The following TLN2 variants were observed in gnomAD, a reference collection of about 807,000 sequenced individuals.
TLN2 encodes talin 2, also known as talin-2.
A neutral mutation model predicts 294.7 loss-of-function variants in TLN2; 118 were observed. The observed-to-expected ratio is 0.40, with a 90% CI of 0.34 to 0.47. The LOEUF (loss-of-function observed/expected upper bound fraction) is 0.47, where lower values mean the gene tolerates loss of function less well. Among genes scored for constraint, TLN2 ranks in the 20% least tolerant of loss-of-function variants. The pLI, the probability that TLN2 is intolerant of heterozygous loss-of-function variation, is 0.84. For synonymous variants in TLN2, 1,431 were observed against 1,304.5 expected (o/e 1.10, Z -2.09); for missense variants, 3,083 against 3,282.2 (o/e 0.94, Z 1.48).
At chr15:62,637,835 C>T (rs1284746489) in intron 3 of TLN2, 3 of 152,206 alleles carry the variant, frequency 2.0e-5, no homozygotes, top group Non-Finnish European at 2.9e-5. Flanking sequence ...GAAGCAAAGC[C>T]GGATGCTGGG....
chr15:62,681,900 G>A (rs1230381263), intron 11 of TLN2, among the ~76,000 whole-genome samples: 3 of 152,106 alleles, frequency 2.0e-5, no homozygotes, highest in Non-Finnish European at 2.9e-5. Flanking sequence ...CTACAGGCAC[G>A]TGCCACCACG....
intron 52 of TLN2, among the ~76,000 whole-genome samples, chr15:62,816,038 T>C (rs1354404044): frequency 6.6e-6 from 1 of 152,194 alleles, no homozygotes; most frequent in Non-Finnish European, 1.5e-5. Flanking sequence ...CACAGGTTGA[T>C]CCCCAAACTG....
intron 33 of TLN2, 76 bp downstream of exon 33, chr15:62,748,520 T>G: frequency 8.4e-7 from 1 of 1,190,180 alleles, no homozygotes; most frequent in Non-Finnish European, 1.2e-6. Context: ...TCTGTCTGTC[T>G]ATGTCTGTGT....
intron 45 of TLN2, chr15:62,784,523 C>G (rs1177828879): frequency 6.6e-6 from 1 of 152,376 alleles, no homozygotes; most frequent in Non-Finnish European, 1.5e-5. Context: ...AGTTGGGCCC[C>G]AAAGGCCACT....
intron 5 of TLN2, among the ~76,000 whole-genome samples, chr15:62,651,473 G>C (rs2052579055): frequency 6.6e-6 from 1 of 152,168 alleles, no homozygotes; most frequent in Non-Finnish European, 1.5e-5. Flanking sequence ...AATAATTGAA[G>C]ATAGCCTAAG....
At chr15:62,696,689 C>T (rs1379230969) in intron 14 of TLN2, among the ~76,000 whole-genome samples, 2 of 152,194 alleles carry the variant, frequency 1.3e-5, no homozygotes, top group African/African-American at 2.4e-5. Context: ...GTCTGGATGA[C>T]AAGAGTGAAA....
At chr15:62,798,125 G>A (rs531824678) in intron 48 of TLN2, among the ~76,000 whole-genome samples, 41 of 152,108 alleles carry the variant, frequency 2.7e-4, no homozygotes, top group Non-Finnish European at 4.4e-4. Flanking sequence ...GAGTGCCATC[G>A]AGGACATTGG....
intron 1 of TLN2, among the ~76,000 whole-genome samples, chr15:62,589,367 C>T (rs921336643): frequency 2.6e-5 from 4 of 152,078 alleles, no homozygotes; most frequent in Non-Finnish European, 2.9e-5. Context: ...TTTTTGTTTT[C>T]GACATTGAGG....
chr15:62,437,752 G>GTGTGT (rs1555407259), intron 1 of TLN2, among the ~76,000 whole-genome samples: 27 of 150,412 alleles, frequency 1.8e-4, no homozygotes, highest in East Asian at 1.2e-3. Flanking sequence ...ACACCATGGG[G>GTGTGT]GTGTGTGTGT....
At chr15:62,412,639 A>G (rs1477112408) in intron 1 of TLN2, among the ~76,000 whole-genome samples, 1 of 152,146 alleles carries the variant, frequency 6.6e-6, no homozygotes, top group East Asian at 1.9e-4. Context: ...GTTCTTGAAG[A>G]CCTGTGGAGG....
intron 2 of TLN2, among the ~76,000 whole-genome samples, chr15:62,612,515 T>C (rs2047998317): frequency 1.3e-5 from 2 of 152,166 alleles, no homozygotes; most frequent in African/African-American, 4.8e-5. Context: ...CACAACACAT[T>C]GCTGACCTGG....
intron 1 of TLN2, among the ~76,000 whole-genome samples, chr15:62,450,335 C>T (rs959190541): frequency 2.0e-5 from 3 of 152,210 alleles, no homozygotes; most frequent in Admixed American, 6.5e-5. Context: ...ATGGTGTATC[C>T]GAGTCACCGT....
intron 2 of TLN2, among the ~76,000 whole-genome samples, chr15:62,605,463 A>G (rs533889972): frequency 3.9e-5 from 6 of 152,332 alleles, no homozygotes; most frequent in African/African-American, 1.4e-4. Flanking sequence ...TCCATGGGCA[A>G]GCGAATCAGG....
chr15:62,802,212 T>C (rs944387441), intron 50 of TLN2, among the ~76,000 whole-genome samples: 12 of 152,002 alleles, frequency 7.9e-5, no homozygotes, highest in African/African-American at 2.7e-4. Flanking sequence ...AGTGAGAACA[T>C]GCAAAGTGTG....
intron 52 of TLN2, among the ~76,000 whole-genome samples, chr15:62,811,014 A>G (rs995698013): frequency 1.3e-5 from 2 of 152,186 alleles, no homozygotes; most frequent in South Asian, 2.1e-4. Flanking sequence ...TTGATCTGAG[A>G]CCCAGAAAGC....
intron 1 of TLN2, among the ~76,000 whole-genome samples, chr15:62,539,314 G>A (rs962969556): frequency 2.0e-5 from 3 of 152,288 alleles, no homozygotes; most frequent in Admixed American, 6.5e-5. Context: ...CCAAGATTGA[G>A]TGGTGGGTGG....
At chr15:62,688,200 G>C (rs901815352) in intron 12 of TLN2, among the ~76,000 whole-genome samples, 2 of 152,128 alleles carry the variant, frequency 1.3e-5, no homozygotes, top group Admixed American at 6.5e-5. Flanking sequence ...GCAAAAGAGA[G>C]AATAACAGTA....
intron 9 of TLN2, among the ~76,000 whole-genome samples, chr15:62,663,869 A>T (rs1294575950): frequency 1.3e-5 from 2 of 152,038 alleles, no homozygotes; most frequent in Admixed American, 6.5e-5. Flanking sequence ...GATTCAGTTC[A>T]ATTCCAGTCA....
chr15:62,399,456 C>A (rs751788784), intron 1 of TLN2, among the ~76,000 whole-genome samples: 1 of 152,030 alleles, frequency 6.6e-6, no homozygotes, highest in Non-Finnish European at 1.5e-5. Context: ...CATCCTCACA[C>A]CCCAGAATAG....
Sources: gnomAD v4.1 joint callset for allele counts (sites outside exome capture counted in the v4.1 genomes callset) on GRCh38, gnomAD v4.1.1 for gene constraint, MANE v1.5 for transcripts, NCBI Gene and HGNC (gene_info 2026-07-23, HGNC 2026-07-21) for gene names.